Variants in ARHGAP6 observed in about 807,000 individuals in gnomAD.
ARHGAP6 encodes the protein Rho GTPase activating protein 6.
Under a neutral mutation model 55.7 loss-of-function variants are expected in ARHGAP6, and 16 were observed. The ratio of observed to expected loss-of-function variants is 0.29; its 90% confidence interval spans 0.19 to 0.44. The LOEUF is 0.44. ARHGAP6 is among the 20% of genes least tolerant of loss of function. ARHGAP6 has a pLI of 1.00. For synonymous variants in ARHGAP6, 382 were observed against 360.9 expected (o/e 1.06, Z -0.66); for missense variants, 698 against 808.9 (o/e 0.86, Z 1.66).
At chrX:11,178,444 C>T (rs1216036168) in intron 7 of ARHGAP6, among the ~76,000 whole-genome samples, 196 bp from the exon 8 acceptor site, 5 of 107,791 alleles carry the variant, frequency 4.6e-5, no homozygotes, top group South Asian at 4.2e-4. Context: ...AATTAGACCT[C>T]GAGAAGTGTA....
intron 1 of ARHGAP6, among the ~76,000 whole-genome samples, chrX:11,414,137 A>T (rs996745162): frequency 2.5e-4 from 28 of 112,241 alleles, no homozygotes; most frequent in African/African-American, 8.7e-4. Context: ...GAGACATAGC[A>T]TTAGACTAGA....
At chrX:11,366,917 G>C (rs1390018197) in intron 1 of ARHGAP6, among the ~76,000 whole-genome samples, 1 of 111,832 alleles carries the variant, frequency 8.9e-6, no homozygotes, top group Non-Finnish European at 1.9e-5. Flanking sequence ...TACAGTGAGA[G>C]GAGAAGAGGC....
At chrX:11,549,362 T>C (rs1295519930) in intron 1 of ARHGAP6, among the ~76,000 whole-genome samples, 2 of 112,149 alleles carry the variant, frequency 1.8e-5, no homozygotes, top group Non-Finnish European at 3.8e-5. Context: ...TAGAATGGGA[T>C]AAAATACTTG....
At chrX:11,615,576 T>C (rs2052153531) in intron 1 of ARHGAP6, among the ~76,000 whole-genome samples, 1 of 112,220 alleles carries the variant, frequency 8.9e-6, no homozygotes, top group Non-Finnish European at 1.9e-5. Context: ...TACTTATTTC[T>C]GTACTCCCAT....
intron 1 of ARHGAP6, among the ~76,000 whole-genome samples, chrX:11,520,176 TATTAC>T: frequency 1.3e-5 from 1 of 79,513 alleles, no homozygotes; most frequent in Admixed American, 1.4e-4. Context: ...TATATATATA[TATTAC>T]TTTAAGTTCT....
chrX:11,415,199 T>C (rs1603192526), intron 1 of ARHGAP6, among the ~76,000 whole-genome samples: 1 of 111,978 alleles, frequency 8.9e-6, no homozygotes, highest in South Asian at 3.8e-4. Context: ...TTCTGAATGG[T>C]TTCTTTTTGA....
At chrX:11,301,773 G>A (rs2147581634) in intron 1 of ARHGAP6, among the ~76,000 whole-genome samples, 1 of 111,894 alleles carries the variant, frequency 8.9e-6, no homozygotes, top group East Asian at 2.8e-4. Flanking sequence ...CCATCCTTAA[G>A]GAATCTAGAA....
chrX:11,598,214 G>C (rs2051924697), intron 1 of ARHGAP6, among the ~76,000 whole-genome samples: 2 of 111,912 alleles, frequency 1.8e-5, no homozygotes, highest in Non-Finnish European at 3.8e-5. Flanking sequence ...TGGACCTGGT[G>C]CCCTTCACAG....
chrX:11,153,972 T>C (rs373621675), intron 10 of ARHGAP6, among the ~76,000 whole-genome samples: 2 of 108,638 alleles, frequency 1.8e-5, no homozygotes, highest in African/African-American at 3.3e-5. Flanking sequence ...CCTCCCCCCA[T>C]CCCACAACAG....
At chrX:11,428,090 G>A (rs1219050130) in intron 1 of ARHGAP6, among the ~76,000 whole-genome samples, 2 of 112,665 alleles carry the variant, frequency 1.8e-5, no homozygotes, top group Non-Finnish European at 3.8e-5. Flanking sequence ...TAATGCCAGC[G>A]AGAAGGCGAA....
chrX:11,360,761 T>A (rs1335659237), intron 1 of ARHGAP6, among the ~76,000 whole-genome samples: 1,158 of 111,252 alleles, frequency 0.01, 21 homozygotes, highest in African/African-American at 0.036. Flanking sequence ...GAAAACCCCA[T>A]TGTCTCAGCC....
intron 1 of ARHGAP6, chrX:11,335,878 G>C (rs1456850824): frequency 5.3e-6 from 1 of 189,330 alleles, no homozygotes; most frequent in Non-Finnish European, 9.7e-6. Flanking sequence ...TCCCCTAGAG[G>C]ACACGGCTGG....
intron 1 of ARHGAP6, among the ~76,000 whole-genome samples, chrX:11,383,140 T>C (rs2049282082): frequency 8.9e-6 from 1 of 111,989 alleles, no homozygotes; most frequent in African/African-American, 3.2e-5. Flanking sequence ...AGGCGTGTAT[T>C]TTTAAGAGCC....
intron 1 of ARHGAP6, among the ~76,000 whole-genome samples, chrX:11,562,715 T>C (rs1337046117): frequency 9.0e-6 from 1 of 111,261 alleles, no homozygotes; most frequent in Non-Finnish European, 1.9e-5. Flanking sequence ...CTAGATGATT[T>C]GAAAGTTAAA....
intron 1 of ARHGAP6, among the ~76,000 whole-genome samples, chrX:11,488,639 C>T (rs1207601192): frequency 2.7e-5 from 3 of 110,732 alleles, no homozygotes; most frequent in African/African-American, 6.6e-5. Context: ...AGCAGACCAG[C>T]GAGCATTACC....
At chrX:11,575,688 G>A (rs1416560937) in intron 1 of ARHGAP6, among the ~76,000 whole-genome samples, 1 of 112,389 alleles carries the variant, frequency 8.9e-6, no homozygotes, top group Non-Finnish European at 1.9e-5. Context: ...AAAGGAAAGA[G>A]GGTGGGGGAG....
intron 1 of ARHGAP6, among the ~76,000 whole-genome samples, chrX:11,309,892 C>T (rs1050544406): frequency 6.3e-5 from 7 of 111,317 alleles, no homozygotes; most frequent in African/African-American, 1.6e-4. Flanking sequence ...AGGCTCATGC[C>T]GGTAATCCCA....
At chrX:11,657,974 T>C (rs1383628679) in intron 1 of ARHGAP6, among the ~76,000 whole-genome samples, 1 of 112,045 alleles carries the variant, frequency 8.9e-6, no homozygotes, top group Non-Finnish European at 1.9e-5. Context: ...ATAGTTTCAG[T>C]ACGTAATCAG....
At chrX:11,405,965 TG>T (rs1481929607) in intron 1 of ARHGAP6, among the ~76,000 whole-genome samples, 1 of 111,537 alleles carries the variant, frequency 9.0e-6, no homozygotes, top group Non-Finnish European at 1.9e-5. Flanking sequence ...TGGAGTGCAG[TG>T]GCATGATCAT....
Sources: gnomAD v4.1 joint callset for allele counts (sites outside exome capture counted in the v4.1 genomes callset) on GRCh38, gnomAD v4.1.1 for gene constraint, MANE v1.5 for transcripts, NCBI Gene and HGNC (gene_info 2026-07-23, HGNC 2026-07-21) for gene names.